The following GPR158 variants were observed in gnomAD, a reference collection of about 807,000 sequenced individuals.
GPR158 encodes G protein-coupled receptor 158.
A neutral mutation model predicts 78.2 loss-of-function variants in GPR158; 30 were observed. The ratio of observed to expected loss-of-function variants is 0.38; its 90% CI spans 0.29 to 0.52. The LOEUF is 0.52. Among genes scored for constraint, GPR158 ranks in the 20% least tolerant of loss-of-function variants. The pLI, the probability that GPR158 is intolerant of heterozygous loss-of-function variation, is 0.83. For synonymous variants in GPR158, 581 were observed against 591.1 expected (o/e 0.98, Z 0.25); for missense variants, 1,463 against 1,523.5 (o/e 0.96, Z 0.66).
intron 1 of GPR158, among the ~76,000 whole-genome samples, chr10:25,200,874 T>G (rs1475018102): frequency 2.9e-4 from 43 of 150,406 alleles, no homozygotes; most frequent in East Asian, 3.9e-4. Context: ...TTTTGTTTTT[T>G]TTTTTTTTTT....
intron 2 of GPR158, among the ~76,000 whole-genome samples, chr10:25,378,405 GT>G (rs9335087): frequency 0.64 from 96,285 of 150,058 alleles, 31,705 homozygotes; most frequent in Non-Finnish European, 0.73. Flanking sequence ...TGATAGGCAA[GT>G]TTTTTTTTTT....
chr10:25,301,623 G>A (rs540874204), intron 2 of GPR158, among the ~76,000 whole-genome samples: 3 of 150,110 alleles, frequency 2.0e-5, no homozygotes, highest in East Asian at 3.9e-4. Flanking sequence ...AAACTGGAGG[G>A]GGGGATAAAG....
At chr10:25,220,461 G>A (rs1588742052) in intron 1 of GPR158, among the ~76,000 whole-genome samples, 5 of 152,098 alleles carry the variant, frequency 3.3e-5, no homozygotes, top group South Asian at 2.1e-4. Context: ...CAGTCTCTTC[G>A]TTTCCAGATT....
chr10:25,501,002 C>G (rs541943390), intron 5 of GPR158, among the ~76,000 whole-genome samples: 2 of 152,240 alleles, frequency 1.3e-5, no homozygotes, highest in African/African-American at 4.8e-5. Flanking sequence ...ATACAACATG[C>G]ATTGGTATCA....
chr10:25,304,670 C>A (rs544938821), intron 2 of GPR158, among the ~76,000 whole-genome samples: 1 of 152,110 alleles, frequency 6.6e-6, no homozygotes, highest in Non-Finnish European at 1.5e-5. Context: ...ATTCTGCAAA[C>A]GATTTTCCAC....
At chr10:25,239,643 G>T (rs1048250562) in intron 2 of GPR158, among the ~76,000 whole-genome samples, 7 of 151,608 alleles carry the variant, frequency 4.6e-5, no homozygotes, top group Non-Finnish European at 8.8e-5. Flanking sequence ...AGTTTTCCTG[G>T]TTGGTGCACA....
At chr10:25,343,862 A>C (rs1855336030) in intron 2 of GPR158, among the ~76,000 whole-genome samples, 1 of 152,030 alleles carries the variant, frequency 6.6e-6, no homozygotes, top group Admixed American at 6.6e-5. Context: ...ATACTCAAGA[A>C]ATAGGAAAAA....
In GPR158 at chr10:25,551,072, C is replaced by T. The variant is rs571006769; in HGVS notation, c.1501C>T (p.Leu501Phe). 1.3e-6 allele frequency: 2 copies of T among 1,556,880 alleles called. No homozygotes were observed. The highest frequency in any genetic ancestry group is 1.4e-5 in the African/African-American group (1 of 73,962). Residue 501 changes from leucine (L) to phenylalanine (F), a missense_variant, in exon 6 of 11, where the codon CTC becomes TTC. Transcript: ENST00000376351. ...TGCTACTGTTTACGGAACTGTCACT[C>T]TCAAACTTCACAGGTATATACATTT... is the stretch of plus-strand genomic sequence containing the variant. ...GFATVYGTVT[L>F]KLHRVLKVFL...
intron 2 of GPR158, among the ~76,000 whole-genome samples, chr10:25,322,391 A>AG (rs1164608524): frequency 1.3e-5 from 2 of 151,966 alleles, no homozygotes; most frequent in Non-Finnish European, 2.9e-5. Flanking sequence ...AAAAAAAAAA[A>AG]GAAAAAAAAA....
intron 5 of GPR158, among the ~76,000 whole-genome samples, chr10:25,542,822 TCA>T (rs1836605334): frequency 2.9e-5 from 1 of 34,984 alleles, no homozygotes; most frequent in Non-Finnish European, 4.5e-5. Flanking sequence ...AAACTCCATC[TCA>T]AAAAAAAAAA....
chr10:25,526,027 A>T (rs1163636231), intron 5 of GPR158, among the ~76,000 whole-genome samples: 1 of 148,892 alleles, frequency 6.7e-6, no homozygotes, highest in Non-Finnish European at 1.5e-5. Flanking sequence ...AGTTGCTTGA[A>T]CCTGGGAGGC....
intron 7 of GPR158, among the ~76,000 whole-genome samples, chr10:25,575,066 C>CAAA (rs143994163): frequency 8.3e-6 from 1 of 121,192 alleles, no homozygotes; most frequent in Non-Finnish European, 1.7e-5. Flanking sequence ...GACTCCATCT[C>CAAA]AAAAAAAAAA....
chr10:25,374,538 A>G (rs1266071843), intron 2 of GPR158, among the ~76,000 whole-genome samples: 2 of 151,900 alleles, frequency 1.3e-5, no homozygotes, highest in African/African-American at 4.8e-5. Context: ...GAAGCTTTCT[A>G]TTCATAATTG....
intron 2 of GPR158, among the ~76,000 whole-genome samples, chr10:25,256,336 A>G (rs997010658): frequency 3.3e-4 from 50 of 152,240 alleles, no homozygotes; most frequent in Non-Finnish European, 1.8e-4. Context: ...TGCATTCCAC[A>G]TGGTAGAAAC....
chr10:25,456,176 C>G (rs890459043), intron 4 of GPR158, among the ~76,000 whole-genome samples: 1 of 152,182 alleles, frequency 6.6e-6, no homozygotes, highest in African/African-American at 2.4e-5. Flanking sequence ...TAGGGGGCAT[C>G]TGTTACACCT....
intron 2 of GPR158, among the ~76,000 whole-genome samples, chr10:25,255,379 T>C (rs966685902): frequency 1.2e-4 from 18 of 152,234 alleles, no homozygotes; most frequent in African/African-American, 3.6e-4. Context: ...AAGTTCATCA[T>C]TCAAACAACA....
chr10:25,404,942 A>G (rs1217763643), intron 3 of GPR158, among the ~76,000 whole-genome samples: 1 of 152,122 alleles, frequency 6.6e-6, no homozygotes, highest in Non-Finnish European at 1.5e-5. Flanking sequence ...ACCTTTGGAC[A>G]GCACATGTGG....
At position 25,577,829 on chromosome 10, in the gene GPR158, T is replaced by TTCAA. The variant is rs1485006801; in HGVS notation, c.1753+4946_1753+4949dup. On this transcript the variant is annotated intron_variant, in intron 7 of 10. Transcript: ENST00000376351. ...TTGTCATTTATGTCCGTTTATAATT[T>TTCAA]TCAATCATTTTGTTAGTCCTGTGTA... Among the ~76,000 whole-genome samples, 4 of 152,104 alleles carry TTCAA rather than the reference T, an allele frequency of 2.6e-5. No homozygotes were observed. In the East Asian group the frequency reaches 7.7e-4, roughly 29 times the overall value.
At chr10:25,451,064 A>G (rs1346006610) in intron 4 of GPR158, among the ~76,000 whole-genome samples, 1 of 152,168 alleles carries the variant, frequency 6.6e-6, no homozygotes, top group Non-Finnish European at 1.5e-5. Flanking sequence ...GGATATTCCA[A>G]CTGTTTCAAC....
Sources: gnomAD v4.1 joint callset for allele counts (sites outside exome capture counted in the v4.1 genomes callset) on GRCh38, gnomAD v4.1.1 for gene constraint, MANE v1.5 for transcripts, NCBI Gene and HGNC (gene_info 2026-07-23, HGNC 2026-07-21) for gene names.